The following ASIC2 variants were observed in gnomAD, a reference collection of about 807,000 sequenced individuals.
ASIC2 encodes the protein acid sensing ion channel subunit 2.
A neutral mutation model predicts 57.3 loss-of-function variants in ASIC2; 25 were observed. That is an observed-to-expected ratio of 0.44 (90% CI 0.32 to 0.61). ASIC2 has a LOEUF of 0.61. ASIC2 is among the 20% of genes least tolerant of loss of function. The pLI, the probability that ASIC2 is intolerant of heterozygous loss-of-function variation, is 0.06. For missense variants in ASIC2, 641 were observed against 738.1 expected (o/e 0.87, Z 1.52); for synonymous variants, 319 against 307.5 (o/e 1.04, Z -0.39).
chr17:33,086,623 C>T (rs1225905837), intron 3 of ASIC2, among the ~76,000 whole-genome samples: 1 of 152,130 alleles, frequency 6.6e-6, no homozygotes, highest in East Asian at 1.9e-4. Flanking sequence ...CTTAGTTGGC[C>T]TATGAAGACT....
At chr17:33,706,372 A>G (rs1019795760) in intron 1 of ASIC2, among the ~76,000 whole-genome samples, 2 of 150,638 alleles carry the variant, frequency 1.3e-5, no homozygotes, top group Admixed American at 6.6e-5. Flanking sequence ...GGTATGTGCC[A>G]CCATGAATGG....
chr17:33,361,447 C>T (rs1203127594), intron 1 of ASIC2, among the ~76,000 whole-genome samples: 1 of 152,184 alleles, frequency 6.6e-6, no homozygotes, highest in East Asian at 1.9e-4. Context: ...TATGCACCTG[C>T]AACCTCTGGT....
chr17:34,141,734 C>T (rs954667481), intron 1 of ASIC2, among the ~76,000 whole-genome samples: 9 of 152,292 alleles, frequency 5.9e-5, no homozygotes, highest in East Asian at 1.9e-4. Flanking sequence ...AACTGAAATA[C>T]GCCTCTCTGC....
chr17:33,068,266 G>T (rs1435912044), intron 3 of ASIC2, among the ~76,000 whole-genome samples: 1 of 152,172 alleles, frequency 6.6e-6, no homozygotes, highest in Non-Finnish European at 1.5e-5. Context: ...CAGGATGGTT[G>T]GTCACTGTAG....
chr17:33,560,461 G>A (rs1391267293), intron 1 of ASIC2, among the ~76,000 whole-genome samples: 3 of 152,182 alleles, frequency 2.0e-5, no homozygotes, highest in Non-Finnish European at 1.5e-5. Context: ...AAGGAAAATT[G>A]GCATTTATGA....
rs535036063 is a variant in ASIC2 at position 33,177,966 on chromosome 17, A to T, written c.709-65899T>A. 7.9e-5 allele frequency among the ~76,000 whole-genome samples: 12 copies of T among 152,296 alleles called. No homozygotes were observed. The East Asian group carries it at 2.1e-3, about 27-fold the overall frequency. On this transcript the variant is annotated intron_variant, in intron 1 of 9. Transcript: ENST00000225823. ...AAACTGAGGGCCTTTTCTCCAGGAA[A>T]AAAATAACCTAGTGTGCGTGCACAT...
At chr17:33,025,776 CCTGCAG>C in intron 5 of ASIC2, 144 bp downstream of exon 5, 3 of 681,434 alleles carry the variant, frequency 4.4e-6, no homozygotes, top group Non-Finnish European at 6.9e-6. Flanking sequence ...CTCTCCCATC[CCTGCAG>C]CAACTCCACC....
At chr17:33,045,236 C>A (rs1567725271) in intron 3 of ASIC2, among the ~76,000 whole-genome samples, 4 of 152,094 alleles carry the variant, frequency 2.6e-5, no homozygotes, top group Non-Finnish European at 5.9e-5. Flanking sequence ...CAGGTCTCGC[C>A]CCTGTTAAAT....
At chr17:33,895,143 C>T (rs952270242) in intron 1 of ASIC2, among the ~76,000 whole-genome samples, 3 of 149,358 alleles carry the variant, frequency 2.0e-5, no homozygotes, top group Non-Finnish European at 3.0e-5. Flanking sequence ...GGGTTAGTGG[C>T]AAGCATTGAA....
chr17:33,432,284 G>C (rs1553493), intron 1 of ASIC2, among the ~76,000 whole-genome samples: 57,788 of 152,124 alleles, frequency 0.38, 11,467 homozygotes, highest in Non-Finnish European at 0.42. Flanking sequence ...GGGAGGCCCA[G>C]GTGGGAGGAT....
At chr17:33,826,411 G>A (rs1380646412) in intron 1 of ASIC2, among the ~76,000 whole-genome samples, 3 of 152,182 alleles carry the variant, frequency 2.0e-5, no homozygotes, top group East Asian at 1.9e-4. Context: ...CAGGGCTATA[G>A]CAACTCCAAC....
intron 1 of ASIC2, among the ~76,000 whole-genome samples, chr17:33,686,746 G>A (rs1426871856): frequency 6.6e-6 from 1 of 152,204 alleles, no homozygotes; most frequent in Non-Finnish European, 1.5e-5. Flanking sequence ...GTGCATGTGA[G>A]AGTTTCTGTC....
chr17:33,342,469 GTATGTATATGAT>G (rs1208740356), intron 1 of ASIC2, among the ~76,000 whole-genome samples: 1 of 152,060 alleles, frequency 6.6e-6, no homozygotes, highest in African/African-American at 2.4e-5. Context: ...CATGCATGTG[GTATGTATATGAT>G]TATGTGCATG....
At chr17:34,145,327 T>A (rs1281774364) in intron 1 of ASIC2, among the ~76,000 whole-genome samples, 1 of 152,210 alleles carries the variant, frequency 6.6e-6, no homozygotes, top group Admixed American at 6.5e-5. Flanking sequence ...CTGGATTGCA[T>A]CTATTATCAG....
intron 1 of ASIC2, among the ~76,000 whole-genome samples, chr17:33,321,423 C>G (rs929243940): frequency 6.6e-6 from 1 of 152,130 alleles, no homozygotes; most frequent in African/African-American, 2.4e-5. Flanking sequence ...GAATGCACAG[C>G]ATTTTTGTGT....
chr17:34,011,064 C>CAG (rs374286376), intron 1 of ASIC2, among the ~76,000 whole-genome samples: 9 of 10,762 alleles, frequency 8.4e-4, no homozygotes, highest in African/African-American at 1.3e-3. Flanking sequence ...CAGACACACA[C>CAG]ATGCCTCCAG....
intron 1 of ASIC2, among the ~76,000 whole-genome samples, chr17:33,935,253 T>C (rs888348565): frequency 1.3e-5 from 2 of 152,198 alleles, no homozygotes; most frequent in Non-Finnish European, 2.9e-5. Flanking sequence ...TGTCACCTTT[T>C]CTGTATAACC....
At chr17:33,840,905 C>T (rs934702473) in intron 1 of ASIC2, among the ~76,000 whole-genome samples, 2 of 151,872 alleles carry the variant, frequency 1.3e-5, no homozygotes, top group African/African-American at 2.4e-5. Flanking sequence ...ATTGGAGCAT[C>T]TTAGTCTGTC....
intron 1 of ASIC2, among the ~76,000 whole-genome samples, chr17:33,804,003 A>G (rs764210626): frequency 6.6e-6 from 1 of 152,120 alleles, no homozygotes; most frequent in Non-Finnish European, 1.5e-5. Flanking sequence ...TTTTGTTAGG[A>G]AAGATCTAAA....
Sources: gnomAD v4.1 joint callset for allele counts (sites outside exome capture counted in the v4.1 genomes callset) on GRCh38, gnomAD v4.1.1 for gene constraint, MANE v1.5 for transcripts, NCBI Gene and HGNC (gene_info 2026-07-23, HGNC 2026-07-21) for gene names.